Variants in MYO3B observed in about 807,000 individuals in gnomAD.
MYO3B encodes myosin IIIB.
A neutral mutation model predicts 174.6 loss-of-function variants in MYO3B; 156 were observed. The ratio of observed to expected loss-of-function variants is 0.89; its 90% CI spans 0.78 to 1.02. The LOEUF (loss-of-function observed/expected upper bound fraction) is 1.02. Ranked by LOEUF, MYO3B falls within the 50% of genes least tolerant of loss-of-function variation. The probability of loss-of-function intolerance (pLI) is 0.00; values close to 1 mark genes in which losing one functional copy is unlikely to be tolerated. For synonymous variants in MYO3B, 563 were observed against 569.1 expected (o/e 0.99, Z 0.15); for missense variants, 1,632 against 1,639.4 (o/e 1.00, Z 0.08).
intron 8 of MYO3B, among the ~76,000 whole-genome samples, chr2:170,346,025 G>A (rs768171403): frequency 4.6e-5 from 7 of 152,124 alleles, no homozygotes; most frequent in Non-Finnish European, 8.8e-5. Flanking sequence ...AAGTCACTTG[G>A]TTTGTGATAC....
intron 7 of MYO3B, among the ~76,000 whole-genome samples, chr2:170,301,050 A>G (rs1293257709): frequency 1.3e-5 from 2 of 152,236 alleles, no homozygotes; most frequent in Non-Finnish European, 2.9e-5. Flanking sequence ...TTGAGAAGGC[A>G]TCCCAGCCCA....
At chr2:170,382,959 A>G (rs549769718) in intron 10 of MYO3B, 114 bp from the exon 11 acceptor site, 3 of 696,360 alleles carry the variant, frequency 4.3e-6, no homozygotes, top group South Asian at 3.5e-5. Context: ...TAAATGGACT[A>G]CTTTCATCGT....
At chr2:170,239,348 C>T (rs950701764) in intron 7 of MYO3B, among the ~76,000 whole-genome samples, 4 of 152,176 alleles carry the variant, frequency 2.6e-5, no homozygotes, top group African/African-American at 4.8e-5. Context: ...TCTTGACAAG[C>T]AGGTATCTTT....
intron 7 of MYO3B, among the ~76,000 whole-genome samples, chr2:170,322,304 G>A (rs535022854): frequency 1.5e-4 from 23 of 152,116 alleles, no homozygotes; most frequent in African/African-American, 5.6e-4. Flanking sequence ...CTAGGCAACC[G>A]GGTAGGAAAA....
In MYO3B at chr2:170,405,530, T is replaced by G; in HGVS notation, c.2432-15T>G. ...TAATTCACATTGTAACTCTCCAACA[T>G]AAAAATCCACACAGATAAATTTGAA... On this transcript the variant is annotated splice_polypyrimidine_tract_variant and intron_variant, in intron 20 of 34. Transcript: ENST00000408978. 6.2e-7 allele frequency: 1 copy of G among 1,613,194 alleles called. No individual in the cohort carries two copies. Among genetic ancestry groups the G allele is most frequent in the Non-Finnish European group, 8.5e-7 (1 of 1,179,246 alleles).
chr2:170,491,008 A>T (rs2106045066), intron 25 of MYO3B, among the ~76,000 whole-genome samples: 1 of 152,182 alleles, frequency 6.6e-6, no homozygotes, highest in African/African-American at 2.4e-5. Context: ...TTTATCAGAA[A>T]ACCAGCTTTT....
chr2:170,630,762 C>A (rs994655771), intron 32 of MYO3B, among the ~76,000 whole-genome samples: 3 of 152,218 alleles, frequency 2.0e-5, no homozygotes, highest in Non-Finnish European at 4.4e-5. Context: ...CCCAGGCAAA[C>A]AGGGTCTGGA....
chr2:170,418,117 T>G (rs1239295843), intron 22 of MYO3B, among the ~76,000 whole-genome samples: 1 of 152,194 alleles, frequency 6.6e-6, no homozygotes. Flanking sequence ...CACGTCCTAG[T>G]TTGACCTTCA....
At chr2:170,522,836 A>T (rs1688769658) in intron 30 of MYO3B, among the ~76,000 whole-genome samples, 1 of 152,022 alleles carries the variant, frequency 6.6e-6, no homozygotes, top group Admixed American at 6.6e-5. Context: ...TCTTTTTAAT[A>T]CTCCTTGAGC....
At chr2:170,503,703 A>G (rs1330185319) in intron 28 of MYO3B, among the ~76,000 whole-genome samples, 1 of 151,874 alleles carries the variant, frequency 6.6e-6, no homozygotes, top group Non-Finnish European at 1.5e-5. Flanking sequence ...CCTTGCAGCC[A>G]AAGTGTTCTT....
At chr2:170,587,180 C>T (rs1406628773) in intron 32 of MYO3B, among the ~76,000 whole-genome samples, 5 of 152,134 alleles carry the variant, frequency 3.3e-5, no homozygotes, top group Non-Finnish European at 5.9e-5. Flanking sequence ...AATGATAATA[C>T]TGACTTATGT....
intron 32 of MYO3B, among the ~76,000 whole-genome samples, chr2:170,582,568 G>A (rs1295839300): frequency 6.6e-6 from 1 of 152,160 alleles, no homozygotes; most frequent in African/African-American, 2.4e-5. Flanking sequence ...AAAGCAGGAA[G>A]AAATCCCGTT....
chr2:170,515,150 G>T (rs765513330), intron 29 of MYO3B, 128 bp downstream of exon 29: 21 of 741,652 alleles, frequency 2.8e-5, no homozygotes, highest in Non-Finnish European at 4.5e-5. Flanking sequence ...TTTTCTATAG[G>T]TGACAGCCAA....
At chr2:170,615,302 G>A (rs575581864) in intron 32 of MYO3B, among the ~76,000 whole-genome samples, 45 of 152,316 alleles carry the variant, frequency 3.0e-4, no homozygotes, top group African/African-American at 1.0e-3. Flanking sequence ...AAAAATCCCT[G>A]GCCTCATGGA....
Position 170,634,263 on chromosome 2 carries a change from A to G in MYO3B, c.3734-17365A>G, listed in dbSNP as rs976451713. On this transcript the variant is annotated intron_variant, in intron 32 of 34. Transcript: ENST00000408978. ...CAAAACAGCATGGTACTGGTACCAA[A>G]ACAGAGATATAGACCAATGGAACAG... 3.9e-5 allele frequency among the ~76,000 whole-genome samples: 6 copies of G among 152,320 alleles called. No individual in the cohort carries two copies. The East Asian group carries it at 9.6e-4, about 24-fold the overall frequency.
At chr2:170,400,800 G>T (rs910949477) in intron 17 of MYO3B, among the ~76,000 whole-genome samples, 1 of 151,704 alleles carries the variant, frequency 6.6e-6, no homozygotes, top group Non-Finnish European at 1.5e-5. Flanking sequence ...CTGCAGAAAA[G>T]AATTCTATGG....
intron 7 of MYO3B, among the ~76,000 whole-genome samples, chr2:170,239,033 C>T (rs1325370642): frequency 6.6e-6 from 1 of 152,224 alleles, no homozygotes; most frequent in Non-Finnish European, 1.5e-5. Context: ...AACCTGTCAG[C>T]ATGTGTCATC....
intron 9 of MYO3B, among the ~76,000 whole-genome samples, chr2:170,376,394 T>G (rs756331090): frequency 4.2e-4 from 64 of 152,242 alleles, no homozygotes; most frequent in Non-Finnish European, 1.3e-4. Flanking sequence ...AATTAAGATT[T>G]AGAAGAAATA....
chr2:170,501,998 C>G (rs1687303538), intron 28 of MYO3B, 133 bp downstream of exon 28: 1 of 627,552 alleles, frequency 1.6e-6, no homozygotes, highest in Non-Finnish European at 2.8e-6. Context: ...GACAGGAGTC[C>G]TAGTGTTCTG....
Sources: allele counts gnomAD v4.1 joint callset (sites outside exome capture counted in the v4.1 genomes callset), GRCh38; gene constraint gnomAD v4.1.1; transcripts MANE v1.5; gene names NCBI Gene and HGNC (gene_info 2026-07-23, HGNC 2026-07-21).